Variants in FAF1 observed in about 807,000 individuals in gnomAD.
FAF1 encodes the protein Fas associated factor 1.
Under a neutral mutation model 92.5 loss-of-function variants are expected in FAF1, and 25 were observed. That is an observed-to-expected ratio of 0.27 (90% confidence interval 0.20 to 0.38). The LOEUF is 0.38. FAF1 is among the 10% of genes least tolerant of loss of function. FAF1 has a pLI of 1.00. For synonymous variants in FAF1, 234 were observed against 273.2 expected (o/e 0.86, Z 1.42); for missense variants, 636 against 793.3 (o/e 0.80, Z 2.38).
intron 13 of FAF1, among the ~76,000 whole-genome samples, chr1:50,564,942 T>A (rs985744117): frequency 1.3e-5 from 2 of 152,084 alleles, no homozygotes; most frequent in African/African-American, 2.4e-5. Context: ...AAAGTAGCTA[T>A]GTAATTTTAT....
At chr1:50,577,169 C>T (rs1322212535) in intron 12 of FAF1, among the ~76,000 whole-genome samples, 2 of 152,156 alleles carry the variant, frequency 1.3e-5, no homozygotes, top group Admixed American at 1.3e-4. Flanking sequence ...GTTTAGAATT[C>T]TGTTATTTGC....
At chr1:50,470,525 T>G (rs1448953141) in intron 18 of FAF1, among the ~76,000 whole-genome samples, 1 of 152,204 alleles carries the variant, frequency 6.6e-6, no homozygotes, top group Admixed American at 6.5e-5. Context: ...TATTTGTAAC[T>G]CAAATTTGAT....
chr1:50,446,061 C>T (rs1646223554), intron 18 of FAF1, among the ~76,000 whole-genome samples: 4 of 152,186 alleles, frequency 2.6e-5, no homozygotes, highest in Non-Finnish European at 5.9e-5. Flanking sequence ...GACAGATTCT[C>T]ATCCTAGGCC....
At chr1:50,894,303 T>TC (rs1644741626) in intron 1 of FAF1, among the ~76,000 whole-genome samples, 1 of 93,790 alleles carries the variant, frequency 1.1e-5, no homozygotes, top group Non-Finnish European at 2.3e-5. Context: ...TGTCTCAAAA[T>TC]TAAAAAAAAA....
chr1:50,783,023 AGAGT>A (rs1300779229), intron 4 of FAF1, among the ~76,000 whole-genome samples: 1 of 152,108 alleles, frequency 6.6e-6, no homozygotes, highest in Non-Finnish European at 1.5e-5. Flanking sequence ...ACCTTTATCT[AGAGT>A]AAGAAAAAAA....
At chr1:50,813,441 T>A (rs1028914262) in intron 2 of FAF1, among the ~76,000 whole-genome samples, 1 of 152,136 alleles carries the variant, frequency 6.6e-6, no homozygotes, top group Admixed American at 6.5e-5. Context: ...TTACTATATG[T>A]GCTATTTTAT....
chr1:50,624,783 G>A (rs1338829102), intron 8 of FAF1, among the ~76,000 whole-genome samples: 1 of 151,864 alleles, frequency 6.6e-6, no homozygotes, highest in African/African-American at 2.4e-5. Flanking sequence ...CCCCAAAGTA[G>A]AATCCAACTG....
chr1:50,696,664 T>A (rs11800988), intron 7 of FAF1, among the ~76,000 whole-genome samples: 20 of 152,198 alleles, frequency 1.3e-4, no homozygotes, highest in African/African-American at 3.6e-4. Flanking sequence ...GCATTTTTTT[T>A]AAATTCTATT....
At chr1:50,581,216 G>C (rs1410516327) in intron 12 of FAF1, among the ~76,000 whole-genome samples, 1 of 152,088 alleles carries the variant, frequency 6.6e-6, no homozygotes, top group Non-Finnish European at 1.5e-5. Context: ...GGGCTATTCT[G>C]CTATTCTTAG....
intron 15 of FAF1, among the ~76,000 whole-genome samples, chr1:50,529,905 C>T (rs1466965672): frequency 6.6e-6 from 1 of 152,108 alleles, no homozygotes; most frequent in African/African-American, 2.4e-5. Context: ...AATTAATTTT[C>T]TGTGATTTGG....
intron 7 of FAF1, among the ~76,000 whole-genome samples, chr1:50,704,438 T>C (rs1160441390): frequency 1.3e-5 from 2 of 152,186 alleles, no homozygotes; most frequent in Admixed American, 1.3e-4. Flanking sequence ...TTGGTTAAAC[T>C]GAAGTTATTT....
chr1:50,650,629 T>C (rs192983520), intron 8 of FAF1, among the ~76,000 whole-genome samples: 3 of 152,128 alleles, frequency 2.0e-5, no homozygotes, highest in Non-Finnish European at 4.4e-5. Flanking sequence ...AAAAAATATA[T>C]AAATAAAAAT....
chr1:50,698,001 T>C (rs932438645), intron 7 of FAF1, among the ~76,000 whole-genome samples: 1 of 152,122 alleles, frequency 6.6e-6, no homozygotes, highest in Non-Finnish European at 1.5e-5. Context: ...TTTGAAGAGG[T>C]TGTAACCAAA....
intron 1 of FAF1, among the ~76,000 whole-genome samples, chr1:50,871,922 G>A (rs959731660): frequency 1.3e-5 from 2 of 151,896 alleles, no homozygotes; most frequent in Non-Finnish European, 2.9e-5. Flanking sequence ...AAAATTAGCC[G>A]GGCATAGTGG....
intron 8 of FAF1, among the ~76,000 whole-genome samples, chr1:50,597,756 A>T (rs1006514408): frequency 1.3e-5 from 2 of 152,200 alleles, no homozygotes; most frequent in African/African-American, 4.8e-5. Flanking sequence ...ATTGAAATAT[A>T]AGGATGGTAA....
intron 13 of FAF1, among the ~76,000 whole-genome samples, chr1:50,546,768 A>G (rs1180686700): frequency 6.6e-6 from 1 of 152,150 alleles, no homozygotes; most frequent in Non-Finnish European, 1.5e-5. Context: ...TTTTTATTAC[A>G]TACCTTTTTA....
intron 18 of FAF1, among the ~76,000 whole-genome samples, chr1:50,464,763 G>A (rs1466203563): frequency 1.3e-5 from 2 of 152,178 alleles, no homozygotes; most frequent in Non-Finnish European, 2.9e-5. Flanking sequence ...TATCTGTGAG[G>A]ACACATGACA....
rs1294354856 is a variant in FAF1, at chr1:50,819,751, A to G, written c.115-18074T>C. 6.3e-4 allele frequency among the ~76,000 whole-genome samples: 44 copies of G among 69,806 alleles called. 7 individuals are homozygous for G. Among genetic ancestry groups the G allele is most frequent in the African/African-American group, 2.0e-3 (41 of 20,154 alleles). 45.8% of individuals were successfully genotyped at this position (69,806 alleles called of 152,430 possible). On this transcript the variant is annotated intron_variant, in intron 2 of 18. Transcript: ENST00000396153. ...TATACATATATATACATATATATAT[A>G]CATATATATATACGTATATATATAT... is the stretch of plus-strand genomic sequence containing the variant.
At position 50,680,459 on chromosome 1, in the gene FAF1, G is replaced by C. The variant is rs914088067; in HGVS notation, c.658-24931C>G. Among the ~76,000 whole-genome samples the C allele has an allele frequency of 5.9e-5, 9 of 152,256 alleles. No individual in the cohort carries two copies. In the South Asian group the frequency reaches 8.3e-4, roughly 14 times the overall value. On this transcript the variant is annotated intron_variant, in intron 7 of 18. Transcript: ENST00000396153. ...GAACTTTGGGAGGCCGAGGCAGGCAGATCACCTGAGGTCAGGAGTTTGAGA... is the reference window on the plus strand; with the variant it reads ...GAACTTTGGGAGGCCGAGGCAGGCACATCACCTGAGGTCAGGAGTTTGAGA...
Sources: allele counts gnomAD v4.1 joint callset (sites outside exome capture counted in the v4.1 genomes callset), GRCh38; gene constraint gnomAD v4.1.1; transcripts MANE v1.5; gene names NCBI Gene and HGNC (gene_info 2026-07-23, HGNC 2026-07-21).